HSD17B12: variants seen among roughly 807,000 people sequenced by gnomAD.
HSD17B12 encodes the protein very-long-chain 3-oxoacyl-CoA reductase.
Under a neutral mutation model 39.3 loss-of-function variants are expected in HSD17B12, and 32 were observed. The ratio of observed to expected loss-of-function variants is 0.81; its 90% confidence interval spans 0.61 to 1.09. HSD17B12 has a LOEUF of 1.09. Ranked by LOEUF, HSD17B12 falls within the 50% of genes least tolerant of loss-of-function variation. The probability of loss-of-function intolerance (pLI) is 0.00; values close to 1 mark genes in which losing one functional copy is unlikely to be tolerated. For synonymous variants in HSD17B12, 150 were observed against 146.7 expected (o/e 1.02, Z -0.16); for missense variants, 342 against 382.9 (o/e 0.89, Z 0.89).
chr11:43,558,278 A>C, the HSD17B12 span, among the ~76,000 whole-genome samples: 1 of 152,122 alleles, frequency 6.6e-6, no homozygotes, highest in African/African-American at 2.4e-5. Context: ...CAAATCCCCC[A>C]GAGGTCTGAA....
chr11:43,797,794 A>T (rs1950928411), intron 3 of HSD17B12, among the ~76,000 whole-genome samples: 2 of 152,198 alleles, frequency 1.3e-5, no homozygotes. Flanking sequence ...GGATTTTAAA[A>T]TGTAGTGATT....
At chr11:43,785,225 G>C (rs1476473196) in intron 3 of HSD17B12, among the ~76,000 whole-genome samples, 1 of 152,150 alleles carries the variant, frequency 6.6e-6, no homozygotes, top group Non-Finnish European at 1.5e-5. Flanking sequence ...TGTGTGTACA[G>C]TGGGGACATC....
intron 3 of HSD17B12, among the ~76,000 whole-genome samples, chr11:43,770,145 A>G (rs1027342297): frequency 5.3e-5 from 8 of 152,118 alleles, no homozygotes; most frequent in Admixed American, 5.2e-4. Flanking sequence ...TCTCCATCTG[A>G]TATGTCTCAA....
At chr11:43,577,967 C>T in the HSD17B12 span, among the ~76,000 whole-genome samples, 1 of 152,148 alleles carries the variant, frequency 6.6e-6, no homozygotes, top group African/African-American at 2.4e-5. Context: ...GCTCCAGACA[C>T]TTTGGCCGAA....
the HSD17B12 span, among the ~76,000 whole-genome samples, chr11:43,663,451 C>T: frequency 3.3e-5 from 5 of 152,090 alleles, no homozygotes; most frequent in African/African-American, 9.6e-5. Flanking sequence ...AGGCAGGTCT[C>T]AAACTCCTAG....
intron 1 of HSD17B12, among the ~76,000 whole-genome samples, chr11:43,686,995 G>C (rs1288980250): frequency 2.5e-5 from 3 of 118,952 alleles, no homozygotes; most frequent in Non-Finnish European, 5.5e-5. Flanking sequence ...TTGAATTGAG[G>C]ATAATTTATT....
intron 3 of HSD17B12, among the ~76,000 whole-genome samples, chr11:43,756,453 T>C (rs756773910): frequency 2.0e-5 from 3 of 152,130 alleles, no homozygotes; most frequent in Non-Finnish European, 4.4e-5. Context: ...ACTGAGATAG[T>C]AGGTGAATTT....
At chr11:43,739,015 G>T (rs542282898) in intron 1 of HSD17B12, among the ~76,000 whole-genome samples, 84 of 152,360 alleles carry the variant, frequency 5.5e-4, no homozygotes, top group African/African-American at 1.9e-3. Flanking sequence ...TGATTGGTGA[G>T]CAACTGCTGT....
chr11:43,634,925 A>G, the HSD17B12 span, among the ~76,000 whole-genome samples: 1 of 152,222 alleles, frequency 6.6e-6, no homozygotes, highest in Non-Finnish European at 1.5e-5. Context: ...AAATTAGAAT[A>G]TGGCCTGGGT....
At chr11:43,807,416 T>C (rs538823216) in intron 4 of HSD17B12, among the ~76,000 whole-genome samples, 1 of 152,118 alleles carries the variant, frequency 6.6e-6, no homozygotes, top group African/African-American at 2.4e-5. Context: ...ATATTCTTAG[T>C]GTGTCAGTAG....
the HSD17B12 span, among the ~76,000 whole-genome samples, chr11:43,637,829 T>C: frequency 1.3e-5 from 2 of 152,268 alleles, no homozygotes; most frequent in Admixed American, 1.3e-4. Flanking sequence ...ATTTCAATAA[T>C]GTGTAAGAGA....
chr11:43,623,352 A>C, the HSD17B12 span, among the ~76,000 whole-genome samples: 2 of 151,776 alleles, frequency 1.3e-5, no homozygotes, highest in South Asian at 4.1e-4. Context: ...GCCATTAGCC[A>C]TTTGAAAGAA....
At chr11:43,605,373 C>A in the HSD17B12 span, among the ~76,000 whole-genome samples, 2 of 151,890 alleles carry the variant, frequency 1.3e-5, no homozygotes, top group South Asian at 4.2e-4. Context: ...ATCAGCCTGA[C>A]CAACATGGAG....
At chr11:43,753,166 C>A (rs1443935155) in intron 2 of HSD17B12, among the ~76,000 whole-genome samples, 1 of 152,042 alleles carries the variant, frequency 6.6e-6, no homozygotes, top group African/African-American at 2.4e-5. Flanking sequence ...TCATTATGTA[C>A]AACACTTACA....
chr11:43,790,512 G>C lies in HSD17B12; in HGVS notation c.284-7808G>C, dbSNP rs117681162. The stretch of plus-strand genomic sequence containing the variant: ...CAGTGAATACTTGAAACTGTGGATA[G>C]TGCTGAACCCTATATACCTATATGT... On this transcript the variant is annotated intron_variant, in intron 3 of 10. Coordinates refer to ENST00000278353, the MANE Select transcript of HSD17B12 (RefSeq NM_016142.3). Among the ~76,000 whole-genome samples, 1,510 of 152,304 alleles carry C rather than the reference G, an allele frequency of 9.9e-3. 14 individuals are homozygous for C. Among genetic ancestry groups the C allele is most frequent in the South Asian group, 0.024 (114 of 4,826 alleles).
the HSD17B12 span, among the ~76,000 whole-genome samples, chr11:43,563,014 G>C: frequency 6.6e-6 from 1 of 152,172 alleles, no homozygotes; most frequent in South Asian, 2.1e-4. Flanking sequence ...AGTCCTCCTT[G>C]AATGCTGTGA....
the HSD17B12 span, among the ~76,000 whole-genome samples, chr11:43,651,284 C>G: frequency 6.6e-6 from 1 of 152,258 alleles, no homozygotes; most frequent in East Asian, 1.9e-4. Flanking sequence ...TGCTGTGAAC[C>G]AAGACATATT....
At chr11:43,695,637 A>C (rs1214497007) in intron 1 of HSD17B12, among the ~76,000 whole-genome samples, 1 of 152,040 alleles carries the variant, frequency 6.6e-6, no homozygotes, top group East Asian at 1.9e-4. Context: ...ATGATTCTTA[A>C]AGAGGCAATA....
rs550316458 is a variant in HSD17B12 at position 43,791,541 on chromosome 11, A to AAAGAAG, written c.284-6765_284-6760dup. Reference sequence around the variant, plus strand: ...AGTGAGACTCTGTCTCAAAAAAAAAAAAGAAGAAGAAGAAGAAGAGGAATA... The same window carrying AAAGAAG: ...AGTGAGACTCTGTCTCAAAAAAAAAAAAGAAGAAGAAGAAGAAGAAGAAGAGGAATA... On this transcript the variant is annotated intron_variant, in intron 3 of 10. Transcript: ENST00000278353. Among the ~76,000 whole-genome samples, 22 of 152,102 alleles carry AAAGAAG rather than the reference A, an allele frequency of 1.4e-4. No individual in the cohort carries two copies. In the East Asian group the frequency reaches 3.9e-3, roughly 27 times the overall value.
Sources: gnomAD v4.1 joint callset for allele counts (sites outside exome capture counted in the v4.1 genomes callset) on GRCh38, gnomAD v4.1.1 for gene constraint, MANE v1.5 for transcripts, NCBI Gene and HGNC (gene_info 2026-07-23, HGNC 2026-07-21) for gene names.